The following TMEM141 variants were observed in gnomAD, a reference collection of about 807,000 sequenced individuals.
The protein encoded by TMEM141 is transmembrane protein 141.
TMEM141 carries 18 observed loss-of-function variants against 15.9 expected under a neutral mutation model. That is an observed-to-expected ratio of 1.13 (90% CI 0.78 to 1.68). The LOEUF (loss-of-function observed/expected upper bound fraction) is 1.68. Ranked by LOEUF, TMEM141 falls within the 40% of genes most tolerant of loss-of-function variation. The pLI is 0.00. For synonymous variants in TMEM141, 69 were observed against 54.0 expected (o/e 1.28, Z -1.22); for missense variants, 161 against 139.5 (o/e 1.15, Z -0.78).
intron 1 of TMEM141, 54 bp downstream of exon 1, chr9:136,791,478 G>C: frequency 6.5e-7 from 1 of 1,549,020 alleles, no homozygotes; most frequent in Non-Finnish European, 8.7e-7. Context: ...TGACCTGAGC[G>C]AGGCGGGGGG....
At position 136,792,944 on chromosome 9, in the gene TMEM141, T is replaced by C; in HGVS notation, c.*112T>C. ...CCCACACCCTAGGGTACCCCAGTCG[T>C]ATCCTCTGTCCGCATGTGTGGCCAG... On this transcript the variant is annotated 3_prime_UTR_variant, in exon 5 of 5. Transcript: ENST00000290079. The C allele has an allele frequency of 2.2e-6, 3 of 1,348,756 alleles. No homozygotes were observed. Among genetic ancestry groups the C allele is most frequent in the Non-Finnish European group, 2.9e-6 (3 of 1,041,496 alleles). The allele number at this position is 1,348,756 out of a possible 1,614,324, so 83.5% of individuals were successfully genotyped here.
chr9:136,793,003 A>G lies in TMEM141; in HGVS notation c.*171A>G. 1 of 875,694 alleles carries G rather than the reference A, an allele frequency of 1.1e-6. No individual in the cohort carries two copies. Among genetic ancestry groups the G allele is most frequent in the Non-Finnish European group, 1.5e-6 (1 of 676,010 alleles). 54.2% of individuals were successfully genotyped at this position (875,694 alleles called of 1,614,324 possible). Reference sequence around the variant, plus strand: ...AACACCTGCAGATGGCTGCTGCCCCAACCTGGGACCTGCCCAGGAGGTTGG... The same window carrying G: ...AACACCTGCAGATGGCTGCTGCCCCGACCTGGGACCTGCCCAGGAGGTTGG... On this transcript the variant is annotated 3_prime_UTR_variant, in exon 5 of 5. Coordinates refer to ENST00000290079, the MANE Select transcript of TMEM141 (RefSeq NM_032928.4).
At position 136,792,943 on chromosome 9, in the gene TMEM141, G is replaced by C. The variant is rs182615926; in HGVS notation, c.*111G>C. On this transcript the variant is annotated 3_prime_UTR_variant, in exon 5 of 5. Transcript: ENST00000290079. ...CCCCACACCCTAGGGTACCCCAGTC[G>C]TATCCTCTGTCCGCATGTGTGGCCA... 8.0e-3 allele frequency: 10,733 copies of C among 1,343,996 alleles called. 56 individuals are homozygous for C. The highest frequency in any genetic ancestry group is 9.5e-3 in the Non-Finnish European group (9,880 of 1,039,432). The allele number at this position is 1,343,996 out of a possible 1,614,324, so 83.3% of individuals were successfully genotyped here.
rs746767363 is a variant in TMEM141, at chr9:136,791,360, C to G, written c.-11C>G. 5 of 1,556,818 alleles carry G rather than the reference C, an allele frequency of 3.2e-6. No homozygotes were observed. In the African/African-American group the frequency reaches 6.8e-5, roughly 21 times the overall value. ...CGCCTGCGCAGGCCCGCTCCCCGAG[C>G]CCTGCCAACCATGGTGAACTTGGGT... On this transcript the variant is annotated 5_prime_UTR_variant, in exon 1 of 5. Transcript: ENST00000290079.
chr9:136,792,451 C>G (rs1847600883), intron 4 of TMEM141, 93 bp downstream of exon 4: 1 of 1,053,790 alleles, frequency 9.5e-7, no homozygotes, highest in African/African-American at 1.6e-5. Flanking sequence ...ATGCGATAGG[C>G]TAGACAAGGT....
Position 136,792,245 on chromosome 9 carries a change from C to T in TMEM141, c.206-6C>T. 2 of 1,572,708 alleles carry T rather than the reference C, an allele frequency of 1.3e-6. No individual in the cohort carries two copies. The highest frequency in any genetic ancestry group is 1.7e-6 in the Non-Finnish European group (2 of 1,158,056). On this transcript the variant is annotated splice_polypyrimidine_tract_variant and splice_region_variant and intron_variant, in intron 3 of 4. Transcript: ENST00000290079. The stretch of plus-strand genomic sequence containing the variant: ...CCCCAGCCCTCTTCCATTTCCTGCT[C>T]CACAGTTGCAGGCTCTGTGGTCAGC...
rs1042954711 is a variant in TMEM141, at chr9:136,792,243, C to T, written c.206-8C>T. On this transcript the variant is annotated splice_polypyrimidine_tract_variant and splice_region_variant and intron_variant, in intron 3 of 4. Transcript: ENST00000290079. ...GGCCCCAGCCCTCTTCCATTTCCTG[C>T]TCCACAGTTGCAGGCTCTGTGGTCA... 6.4e-7 allele frequency: 1 copy of T among 1,570,406 alleles called. No homozygotes were observed. The highest frequency in any genetic ancestry group is 8.6e-7 in the Non-Finnish European group (1 of 1,156,482).
Position 136,792,008 on chromosome 9 carries a change from G to A in TMEM141, c.183G>A (p.Gln61=). The A allele has an allele frequency of 6.2e-7, 1 of 1,614,072 alleles. No individual in the cohort carries two copies. The highest frequency in any genetic ancestry group is 8.5e-7 in the Non-Finnish European group (1 of 1,180,016). ...AGAGGAAGTTTCCATACCCTTTGCA[G>A]TGGAGCCTCCTAGTGGCCGTGGGTG... ...FIQRKFPYPL[Q]WSLLVAVVAG... is the part of the protein sequence containing the mutation. The change falls in exon 3 of 5, where the codon CAG becomes CAA. Residue 61 remains glutamine, a synonymous_variant. Transcript: ENST00000290079.
At position 136,792,760 on chromosome 9, in the gene TMEM141, A is replaced by G. The variant is rs1847603770; in HGVS notation, c.314-59A>G. Reference sequence around the variant, plus strand: ...CAGTTTCTGCCATGATAAAATGGGCACAGGGATGCCCAGCCACGATGGATG... The same window carrying G: ...CAGTTTCTGCCATGATAAAATGGGCGCAGGGATGCCCAGCCACGATGGATG... On this transcript the variant is annotated intron_variant, in intron 4 of 4. Transcript: ENST00000290079. 3.0e-5 allele frequency: 41 copies of G among 1,365,224 alleles called. No individual in the cohort carries two copies. In the South Asian group the frequency reaches 5.6e-4, roughly 18 times the overall value. The allele number at this position is 1,365,224 out of a possible 1,614,324, so 84.6% of individuals were successfully genotyped here. A position where few individuals can be genotyped will look rare whatever the true frequency, so the allele number is the denominator to read the frequency against.
rs368487293 is a variant in TMEM141 at position 136,792,008 on chromosome 9, G to C, written c.183G>C (p.Gln61His). 7 of 1,614,072 alleles carry C rather than the reference G, an allele frequency of 4.3e-6. No homozygotes were observed. Among genetic ancestry groups the C allele is most frequent in the Non-Finnish European group, 5.9e-6 (7 of 1,180,016 alleles). The change falls in exon 3 of 5, where the codon CAG becomes CAC. Residue 61 changes from glutamine to histidine, a missense_variant. Gln to His is a conservative substitution (Grantham distance 24). Transcript: ENST00000290079. The part of the protein sequence containing the change: ...FIQRKFPYPL[Q>H]WSLLVAVVAG... ...AGAGGAAGTTTCCATACCCTTTGCAGTGGAGCCTCCTAGTGGCCGTGGGTG... is the reference window on the plus strand; with the variant it reads ...AGAGGAAGTTTCCATACCCTTTGCACTGGAGCCTCCTAGTGGCCGTGGGTG...
intron 3 of TMEM141, 47 bp from the exon 4 acceptor site, chr9:136,792,204 C>T: frequency 6.5e-7 from 1 of 1,539,278 alleles, no homozygotes; most frequent in East Asian, 2.4e-5. Context: ...TTCTCTTAGC[C>T]TGGGAAGCAC....
intron 4 of TMEM141, 51 bp downstream of exon 4, chr9:136,792,409 CAGAGTTTTGGGCA>C (rs771504192): frequency 6.8e-7 from 1 of 1,480,116 alleles, no homozygotes; most frequent in South Asian, 1.2e-5. Context: ...CTCCAGCACC[CAGAGTTTTGGGCA>C]GCCAAGCCTG....
intron 2 of TMEM141, 45 bp downstream of exon 2, chr9:136,791,822 T>C (rs1588325392): frequency 6.3e-7 from 1 of 1,599,572 alleles, no homozygotes; most frequent in Non-Finnish European, 8.5e-7. Context: ...GAACGCACCC[T>C]CCCGCCCTGC....
chr9:136,791,353 C>A lies in TMEM141; in HGVS notation c.-18C>A. On this transcript the variant is annotated 5_prime_UTR_variant, in exon 1 of 5. Transcript: ENST00000290079. ...CCGCCTGCGCCTGCGCAGGCCCGCT[C>A]CCCGAGCCCTGCCAACCATGGTGAA... is the stretch of plus-strand genomic sequence containing the variant. The A allele has an allele frequency of 6.4e-7, 1 of 1,554,668 alleles. No individual in the cohort carries two copies. The highest frequency in any genetic ancestry group is 8.7e-7 in the Non-Finnish European group (1 of 1,149,422).
chr9:136,792,214 C>G, intron 3 of TMEM141, 37 bp from the exon 4 acceptor site: 1 of 1,533,508 alleles, frequency 6.5e-7, no homozygotes, highest in South Asian at 1.2e-5. Context: ...CTGGGAAGCA[C>G]AGAGGCCCCA....
Position 136,791,345 on chromosome 9 carries a change from G to T in TMEM141, c.-26G>T. ...CCGCCCTTCCGCCTGCGCCTGCGCA[G>T]GCCCGCTCCCCGAGCCCTGCCAACC... On this transcript the variant is annotated 5_prime_UTR_variant, in exon 1 of 5. It adds an upstream start codon to the 5' untranslated region. Transcript: ENST00000290079. The T allele has an allele frequency of 6.4e-7, 1 of 1,552,286 alleles. No homozygotes were observed. The highest frequency in any genetic ancestry group is 1.2e-5 in the South Asian group (1 of 84,234).
intron 1 of TMEM141, 108 bp downstream of exon 1, chr9:136,791,532 TG>T: frequency 2.6e-6 from 4 of 1,547,152 alleles, no homozygotes; most frequent in Non-Finnish European, 2.6e-6. Flanking sequence ...TGGCGGAGGC[TG>T]GGGGCACTCT....
chr9:136,791,560 G>A (rs1303060113), intron 1 of TMEM141, 136 bp downstream of exon 1: 1 of 1,563,486 alleles, frequency 6.4e-7, no homozygotes, highest in Non-Finnish European at 8.7e-7. Flanking sequence ...AAGGGGCTCA[G>A]GGCGTCCGGG....
chr9:136,791,492 G>C, intron 1 of TMEM141, 68 bp downstream of exon 1: 6 of 1,547,740 alleles, frequency 3.9e-6, no homozygotes, highest in Non-Finnish European at 5.2e-6. Flanking sequence ...CGGGGGGCCG[G>C]GGCGTGGGGG....
Sources: gnomAD v4.1 joint callset for allele counts on GRCh38, gnomAD v4.1.1 for gene constraint, MANE v1.5 for transcripts, NCBI Gene and HGNC (gene_info 2026-07-23, HGNC 2026-07-21) for gene names.